PRKG1: variants seen among roughly 807,000 people sequenced by gnomAD.
PRKG1 encodes cGMP-dependent protein kinase 1.
A neutral mutation model predicts 88.1 loss-of-function variants in PRKG1; 35 were observed. That is an observed-to-expected ratio of 0.40 (90% CI 0.30 to 0.53). PRKG1 has a LOEUF of 0.53. Among genes scored for constraint, PRKG1 ranks in the 20% least tolerant of loss-of-function variants. PRKG1 has a pLI of 0.59. For missense variants in PRKG1, 540 were observed against 839.8 expected (o/e 0.64, Z 4.41); for synonymous variants, 303 against 292.5 (o/e 1.04, Z -0.37).
At chr10:51,538,736 A>G (rs1032794834) in intron 3 of PRKG1, among the ~76,000 whole-genome samples, 2 of 151,780 alleles carry the variant, frequency 1.3e-5, no homozygotes, top group Admixed American at 1.3e-4. Context: ...ATGGTCACAT[A>G]AAAGAGAAGA....
chr10:51,237,901 G>C (rs1839040065), intron 2 of PRKG1, among the ~76,000 whole-genome samples: 1 of 152,142 alleles, frequency 6.6e-6, no homozygotes, highest in Non-Finnish European at 1.5e-5. Context: ...TGTAGCCTTA[G>C]ACAGTAATAT....
chr10:51,266,276 G>A (rs1336549799), intron 2 of PRKG1, among the ~76,000 whole-genome samples: 2 of 152,286 alleles, frequency 1.3e-5, no homozygotes, highest in African/African-American at 4.8e-5. Context: ...TAAAAGAGTT[G>A]TACTTCAGAA....
intron 3 of PRKG1, among the ~76,000 whole-genome samples, chr10:51,575,920 AG>A (rs1837874263): frequency 6.6e-6 from 1 of 152,032 alleles, no homozygotes; most frequent in African/African-American, 2.4e-5. Flanking sequence ...TAAACTTAAA[AG>A]TTTTAAAGAT....
At chr10:51,687,751 A>G (rs1002989081) in intron 3 of PRKG1, among the ~76,000 whole-genome samples, 16 of 152,216 alleles carry the variant, frequency 1.1e-4, no homozygotes, top group Non-Finnish European at 2.2e-4. Context: ...TGGTGATCAT[A>G]TATAATAAAT....
chr10:51,896,631 G>A lies in PRKG1; in HGVS notation c.699-10876G>A, dbSNP rs182937765. Among the ~76,000 whole-genome samples the A allele has an allele frequency of 4.5e-4, 60 of 133,356 alleles. No homozygotes were observed. In the East Asian group the frequency reaches 0.01, roughly 23 times the overall value. 87.5% of individuals were successfully genotyped at this position (133,356 alleles called of 152,430 possible). On this transcript the variant is annotated intron_variant, in intron 4 of 17. Transcript: ENST00000373980. ...GGAGGCTAAGCTTAGGTGACAGAGC[G>A]AGACCCTGTCTCTTAAAAAAAAAAA...
chr10:51,911,718 A>G (rs1055409237), intron 5 of PRKG1, among the ~76,000 whole-genome samples: 1 of 152,250 alleles, frequency 6.6e-6, no homozygotes, highest in Non-Finnish European at 1.5e-5. Context: ...TAAATTATAT[A>G]TCAGATAAAG....
intron 1 of PRKG1, among the ~76,000 whole-genome samples, chr10:51,151,267 A>G (rs1343697715): frequency 2.6e-5 from 4 of 152,004 alleles, no homozygotes; most frequent in Admixed American, 6.6e-5. Context: ...TCAGGAGTCA[A>G]TATGAAGGTG....
chr10:51,489,314 G>A (rs1244684164), intron 3 of PRKG1, among the ~76,000 whole-genome samples: 1 of 152,146 alleles, frequency 6.6e-6, no homozygotes, highest in Non-Finnish European at 1.5e-5. Context: ...ATTAGCATGA[G>A]CAGAAACATA....
chr10:51,275,885 T>C (rs185749294), intron 2 of PRKG1, among the ~76,000 whole-genome samples: 13 of 152,004 alleles, frequency 8.6e-5, no homozygotes, highest in Admixed American at 5.9e-4. Flanking sequence ...AGAAAGAATA[T>C]TTTAATCAGA....
intron 2 of PRKG1, among the ~76,000 whole-genome samples, chr10:51,167,229 A>T (rs1846571447): frequency 6.6e-6 from 1 of 152,198 alleles, no homozygotes; most frequent in Admixed American, 6.5e-5. Context: ...GGGTCAGGGT[A>T]GACTTCCCTG....
At chr10:51,932,966 T>C (rs17638883) in intron 5 of PRKG1, among the ~76,000 whole-genome samples, 34,458 of 152,072 alleles carry the variant, frequency 0.23, 4,752 homozygotes, top group Non-Finnish European at 0.31. Context: ...TTGTCAGAAA[T>C]TGTGTCTTGG....
At chr10:51,793,069 C>A (rs1321646593) in intron 3 of PRKG1, among the ~76,000 whole-genome samples, 2 of 113,340 alleles carry the variant, frequency 1.8e-5, no homozygotes, top group Non-Finnish European at 3.5e-5. Flanking sequence ...TATCTCCAAA[C>A]AAATGGAGAT....
At chr10:51,923,689 T>C (rs1842511086) in intron 5 of PRKG1, among the ~76,000 whole-genome samples, 1 of 152,072 alleles carries the variant, frequency 6.6e-6, no homozygotes, top group Non-Finnish European at 1.5e-5. Flanking sequence ...ATAAGGTTGC[T>C]GTCATTCATC....
At chr10:52,062,653 C>T in intron 7 of PRKG1, 22 bp downstream of exon 7, 1 of 1,547,806 alleles carries the variant, frequency 6.5e-7, no homozygotes, top group East Asian at 2.2e-5. Flanking sequence ...ATGTGTTATA[C>T]AGGTTTTTGT....
At chr10:51,961,918 A>G (rs1843457327) in intron 5 of PRKG1, among the ~76,000 whole-genome samples, 1 of 152,202 alleles carries the variant, frequency 6.6e-6, no homozygotes, top group Admixed American at 6.6e-5. Context: ...CAGGAAAGAC[A>G]AAATTGTTCC....
chr10:51,128,166 A>AT lies in PRKG1; in HGVS notation c.312-24992dup, dbSNP rs201446123. Among the ~76,000 whole-genome samples, 829 of 152,070 alleles carry AT rather than the reference A, an allele frequency of 5.5e-3. 3 individuals are homozygous for AT. Among genetic ancestry groups the AT allele is most frequent in the African/African-American group, 0.018 (757 of 41,472 alleles). ...ATTAAAATGCAAAAAGGCGATTAAC[A>AT]TTTTTTCTTTGCTTTAAGAAATGAG... On this transcript the variant is annotated intron_variant, in intron 1 of 17. Transcript: ENST00000373980.
chr10:52,187,671 A>G (rs1291405441), intron 9 of PRKG1, among the ~76,000 whole-genome samples: 1 of 152,194 alleles, frequency 6.6e-6, no homozygotes, highest in Non-Finnish European at 1.5e-5. Flanking sequence ...ATCACTAACA[A>G]TAGATTCTGC....
At chr10:51,886,315 G>A (rs1319994434) in intron 4 of PRKG1, among the ~76,000 whole-genome samples, 3 of 152,050 alleles carry the variant, frequency 2.0e-5, no homozygotes, top group Admixed American at 6.5e-5. Flanking sequence ...TCTATTACAA[G>A]CTGTAGTTTT....
At chr10:51,678,368 G>A (rs1334037162) in intron 3 of PRKG1, among the ~76,000 whole-genome samples, 2 of 152,078 alleles carry the variant, frequency 1.3e-5, no homozygotes, top group Admixed American at 6.6e-5. Context: ...TATTTCTAAT[G>A]TTCAAGCATA....
Sources: gnomAD v4.1 joint callset for allele counts (sites outside exome capture counted in the v4.1 genomes callset) on GRCh38, gnomAD v4.1.1 for gene constraint, MANE v1.5 for transcripts, NCBI Gene and HGNC (gene_info 2026-07-23, HGNC 2026-07-21) for gene names.